The following RARB variants were observed in gnomAD, a reference collection of about 807,000 sequenced individuals.
RARB encodes HBV-activated protein.
A neutral mutation model predicts 51.9 loss-of-function variants in RARB; 17 were observed. The observed-to-expected ratio is 0.33, with a 90% CI of 0.22 to 0.49. The LOEUF (loss-of-function observed/expected upper bound fraction) is 0.49. Among genes scored for constraint, RARB ranks in the 20% least tolerant of loss-of-function variants. The pLI is 0.99. For synonymous variants in RARB, 215 were observed against 195.4 expected (o/e 1.10, Z -0.84); for missense variants, 369 against 550.8 (o/e 0.67, Z 3.30).
chr3:25,377,789 C>T (rs1706508151), intron 5 of RARB, among the ~76,000 whole-genome samples: 1 of 152,142 alleles, frequency 6.6e-6, no homozygotes, highest in East Asian at 1.9e-4. Flanking sequence ...AATGTTAGAG[C>T]AGGCAGGGAC....
intron 2 of RARB, among the ~76,000 whole-genome samples, chr3:25,033,047 C>T (rs1371044269): frequency 3.9e-5 from 6 of 152,168 alleles, no homozygotes; most frequent in African/African-American, 7.2e-5. Context: ...AAATAATCAT[C>T]AAATATCTTC....
At chr3:25,582,717 T>C (rs1701227087) in intron 5 of RARB, among the ~76,000 whole-genome samples, 1 of 152,110 alleles carries the variant, frequency 6.6e-6, no homozygotes, top group Non-Finnish European at 1.5e-5. Context: ...CACTGAATCC[T>C]GCAGCACTCT....
intron 5 of RARB, among the ~76,000 whole-genome samples, chr3:25,215,478 G>C (rs9821589): frequency 0.031 from 4,728 of 152,124 alleles, 238 homozygotes; most frequent in African/African-American, 0.094. Flanking sequence ...TGTGAATATG[G>C]ACAAGAGAGA....
At chr3:25,026,564 C>A (rs1464411322) in intron 2 of RARB, among the ~76,000 whole-genome samples, 1 of 152,174 alleles carries the variant, frequency 6.6e-6, no homozygotes, top group Non-Finnish European at 1.5e-5. Flanking sequence ...GGATTAGGGT[C>A]TACTCATATG....
rs966888167 is a variant in RARB at position 25,569,990 on chromosome 3, A to G, written c.609+72A>G. 393 of 871,464 alleles carry G rather than the reference A, an allele frequency of 4.5e-4. 1 individual carries two copies. In the African/African-American group the frequency reaches 7.8e-3, roughly 17 times the overall value. The allele number at this position is 871,464 out of a possible 1,614,324, so 54.0% of individuals were successfully genotyped here. ...TACGTGCATGTGTGCAGACACACAC[A>G]CACACACACACACACACACACACAC... is the stretch of plus-strand genomic sequence containing the variant. On this transcript the variant is annotated intron_variant, in intron 4 of 7. Transcript: ENST00000330688.
chr3:25,572,917 A>G (rs780341591), intron 4 of RARB, among the ~76,000 whole-genome samples: 2 of 152,122 alleles, frequency 1.3e-5, no homozygotes, highest in Non-Finnish European at 2.9e-5. Flanking sequence ...GGAGGGCAGG[A>G]CAAACACAAC....
chr3:25,529,662 T>G (rs1698810393), intron 3 of RARB, among the ~76,000 whole-genome samples: 1 of 152,118 alleles, frequency 6.6e-6, no homozygotes, highest in African/African-American at 2.4e-5. Flanking sequence ...TCGGGGGTGT[T>G]GGAACTATTC....
At chr3:25,508,144 G>A (rs141072281) in intron 3 of RARB, among the ~76,000 whole-genome samples, 27 of 152,286 alleles carry the variant, frequency 1.8e-4, no homozygotes, top group African/African-American at 6.0e-4. Flanking sequence ...TTTCATAAGT[G>A]TATTTGTAGA....
chr3:25,354,660 C>T (rs1169011577), intron 5 of RARB, among the ~76,000 whole-genome samples: 1 of 152,112 alleles, frequency 6.6e-6, no homozygotes, highest in Non-Finnish European at 1.5e-5. Context: ...CCAAGCTGTG[C>T]ACCCCACTTA....
intron 2 of RARB, among the ~76,000 whole-genome samples, chr3:25,039,247 A>G (rs1178864088): frequency 2.0e-5 from 3 of 152,228 alleles, no homozygotes; most frequent in Admixed American, 6.5e-5. Flanking sequence ...TGGGAAGCTA[A>G]GAATGTTGAG....
At chr3:24,887,706 T>C (rs934238675) in intron 2 of RARB, among the ~76,000 whole-genome samples, 2 of 152,208 alleles carry the variant, frequency 1.3e-5, no homozygotes, top group Non-Finnish European at 2.9e-5. Flanking sequence ...CTGTGACTTC[T>C]GAAGTCTTAA....
chr3:25,056,309 G>C (rs1698441642), intron 2 of RARB, among the ~76,000 whole-genome samples: 1 of 152,094 alleles, frequency 6.6e-6, no homozygotes, highest in Non-Finnish European at 1.5e-5. Flanking sequence ...GGAGGGAAAA[G>C]CTTCTGGAAA....
intron 5 of RARB, among the ~76,000 whole-genome samples, chr3:25,301,609 G>A (rs561028319): frequency 2.6e-5 from 4 of 152,114 alleles, no homozygotes; most frequent in Non-Finnish European, 5.9e-5. Flanking sequence ...ATTCTGGCAG[G>A]TGTTCCATCT....
intron 5 of RARB, among the ~76,000 whole-genome samples, chr3:25,387,162 G>A (rs1449932822): frequency 6.6e-6 from 1 of 152,198 alleles, no homozygotes; most frequent in Non-Finnish European, 1.5e-5. Flanking sequence ...GAAATGGCTT[G>A]AAGATGCACA....
At chr3:25,470,317 C>T (rs1051588911) in intron 2 of RARB, among the ~76,000 whole-genome samples, 12 of 152,056 alleles carry the variant, frequency 7.9e-5, no homozygotes, top group African/African-American at 1.2e-4. Context: ...CTAAGCTCCT[C>T]GATTACAGGT....
At chr3:24,962,049 C>G (rs1696153348) in intron 2 of RARB, among the ~76,000 whole-genome samples, 1 of 151,394 alleles carries the variant, frequency 6.6e-6, no homozygotes, top group African/African-American at 2.4e-5. Context: ...CCTTCCTCAG[C>G]CTCCCAAGTA....
At chr3:25,272,090 C>G (rs1703269076) in intron 5 of RARB, among the ~76,000 whole-genome samples, 1 of 152,144 alleles carries the variant, frequency 6.6e-6, no homozygotes, top group Non-Finnish European at 1.5e-5. Context: ...TACTCAGCAG[C>G]CATGTGCTAG....
chr3:25,593,430 T>A, intron 5 of RARB, 73 bp from the exon 6 acceptor site: 1 of 1,396,170 alleles, frequency 7.2e-7, no homozygotes, highest in Non-Finnish European at 1.0e-6. Context: ...TCATGTTATT[T>A]CCTGCTTACA....
chr3:25,367,361 C>G (rs951294961), intron 5 of RARB, among the ~76,000 whole-genome samples: 2 of 152,126 alleles, frequency 1.3e-5, no homozygotes, highest in East Asian at 1.9e-4. Context: ...CTCCTTCCGT[C>G]AAATGGCAAA....
Sources: gnomAD v4.1 joint callset for allele counts (sites outside exome capture counted in the v4.1 genomes callset) on GRCh38, gnomAD v4.1.1 for gene constraint, MANE v1.5 for transcripts, NCBI Gene and HGNC (gene_info 2026-07-23, HGNC 2026-07-21) for gene names.